The following PTPRD variants were observed in gnomAD, a reference collection of about 807,000 sequenced individuals.
PTPRD encodes the protein receptor-type tyrosine-protein phosphatase delta.
PTPRD carries 34 observed loss-of-function variants against 214.5 expected under a neutral mutation model. The ratio of observed to expected loss-of-function variants is 0.16; its 90% confidence interval spans 0.12 to 0.21. The LOEUF is 0.21. Ranked by LOEUF, PTPRD falls within the 10% of genes least tolerant of loss-of-function variation. The pLI is 1.00. For missense variants in PTPRD, 2,545 were observed against 2,398.7 expected (o/e 1.06, Z -1.27); for synonymous variants, 1,128 against 845.7 (o/e 1.33, Z -5.79).
chr9:10,185,025 A>T (rs1429901508), intron 3 of PTPRD, among the ~76,000 whole-genome samples: 1 of 152,194 alleles, frequency 6.6e-6, no homozygotes, highest in African/African-American at 2.4e-5. Context: ...CTATTTCCCA[A>T]GTCAAGGAGA....
chr9:10,312,069 G>C (rs771302177), intron 3 of PTPRD, among the ~76,000 whole-genome samples: 7 of 151,720 alleles, frequency 4.6e-5, no homozygotes, highest in Non-Finnish European at 8.8e-5. Flanking sequence ...TGAGAGTTGT[G>C]GCTACTTAAA....
At chr9:10,573,839 G>A (rs1052046933) in intron 2 of PTPRD, among the ~76,000 whole-genome samples, 2 of 152,168 alleles carry the variant, frequency 1.3e-5, no homozygotes, top group Admixed American at 6.6e-5. Context: ...TAAAGACATG[G>A]AAGGTAAGAA....
intron 5 of PTPRD, among the ~76,000 whole-genome samples, chr9:9,775,362 G>C (rs1358525146): frequency 1.3e-5 from 2 of 152,110 alleles, no homozygotes; most frequent in Admixed American, 1.3e-4. Context: ...GAGGAGATCA[G>C]GGTCCTAAAT....
chr9:10,597,969 A>C (rs1485503198), intron 2 of PTPRD, among the ~76,000 whole-genome samples: 3 of 151,780 alleles, frequency 2.0e-5, no homozygotes, highest in Non-Finnish European at 4.4e-5. Context: ...CATGACGGCT[A>C]ATGCATTCTT....
intron 9 of PTPRD, among the ~76,000 whole-genome samples, chr9:9,337,200 C>T (rs1403114490): frequency 1.3e-5 from 2 of 152,018 alleles, no homozygotes; most frequent in African/African-American, 4.8e-5. Context: ...TAAGTGATGC[C>T]ACCATTAACT....
At position 9,887,991 on chromosome 9, in the gene PTPRD, T is replaced by C. The variant is rs557375116; in HGVS notation, c.-368+50516A>G. On this transcript the variant is annotated intron_variant, in intron 5 of 45. Coordinates refer to ENST00000381196, the MANE Select transcript of PTPRD (RefSeq NM_002839.4). ...AAATGGTAAATGCCGAAACAGAAAA[T>C]GACACCTGACGAAGGGCAAGACAAT... Among the ~76,000 whole-genome samples, 4 of 151,918 alleles carry C rather than the reference T, an allele frequency of 2.6e-5. No individual in the cohort carries two copies. In the South Asian group the frequency reaches 8.3e-4, roughly 32 times the overall value.
chr9:9,908,283 G>T (rs187224227), intron 5 of PTPRD, among the ~76,000 whole-genome samples: 2 of 151,894 alleles, frequency 1.3e-5, no homozygotes, highest in Non-Finnish European at 2.9e-5. Context: ...TCATCTGAGA[G>T]TTCTTCCACA....
chr9:8,765,997 T>C (rs2154480085), intron 11 of PTPRD, among the ~76,000 whole-genome samples: 1 of 152,084 alleles, frequency 6.6e-6, no homozygotes, highest in East Asian at 1.9e-4. Context: ...CTAAACCTGA[T>C]GTAGGAAAAA....
chr9:9,377,194 G>A (rs953913885), intron 9 of PTPRD, among the ~76,000 whole-genome samples: 1 of 151,902 alleles, frequency 6.6e-6, no homozygotes, highest in African/African-American at 2.4e-5. Context: ...GCAAATACAT[G>A]TCCATACATA....
intron 3 of PTPRD, among the ~76,000 whole-genome samples, chr9:10,279,446 A>ATTTCTTGGT (rs1025189778): frequency 6.6e-6 from 1 of 152,060 alleles, no homozygotes; most frequent in African/African-American, 2.4e-5. Context: ...TCCCTGAATG[A>ATTTCTTGGT]TTTCTTGGTC....
chr9:9,357,697 C>A (rs2054340389), intron 9 of PTPRD, among the ~76,000 whole-genome samples: 1 of 144,996 alleles, frequency 6.9e-6, no homozygotes, highest in Non-Finnish European at 1.5e-5. Context: ...GGATGTGCTG[C>A]TCAATAGTTT....
chr9:8,644,671 C>G (rs1475200756), intron 12 of PTPRD, among the ~76,000 whole-genome samples: 2 of 152,214 alleles, frequency 1.3e-5, no homozygotes, highest in African/African-American at 4.8e-5. Context: ...GCCAGGGAAG[C>G]TGCTGTGGTG....
chr9:9,178,405 G>A (rs543573470), intron 10 of PTPRD, among the ~76,000 whole-genome samples: 1 of 150,672 alleles, frequency 6.6e-6, no homozygotes. Flanking sequence ...CTATCAAAGG[G>A]TGATGTGGTT....
At chr9:10,161,636 G>A (rs2099127757) in intron 3 of PTPRD, among the ~76,000 whole-genome samples, 1 of 151,726 alleles carries the variant, frequency 6.6e-6, no homozygotes, top group Non-Finnish European at 1.5e-5. Flanking sequence ...AATGGTTTGG[G>A]CAAAGAATTT....
chr9:10,174,879 G>T (rs929082405), intron 3 of PTPRD, among the ~76,000 whole-genome samples: 2 of 152,062 alleles, frequency 1.3e-5, no homozygotes, highest in African/African-American at 2.4e-5. Context: ...ATTGGACATT[G>T]TTACAGCTTT....
chr9:9,864,244 T>C (rs893069278), intron 5 of PTPRD, among the ~76,000 whole-genome samples: 1 of 151,926 alleles, frequency 6.6e-6, no homozygotes, highest in Non-Finnish European at 1.5e-5. Flanking sequence ...AGGCGGAGGT[T>C]GCAGTGAGCC....
chr9:9,291,850 A>ATG (rs1172874752), intron 9 of PTPRD, among the ~76,000 whole-genome samples: 3 of 150,090 alleles, frequency 2.0e-5, no homozygotes, highest in Admixed American at 6.7e-5. Context: ...ATATGTGTAT[A>ATG]TGTGTGTGTG....
At chr9:10,331,045 G>C (rs1260437122) in intron 3 of PTPRD, among the ~76,000 whole-genome samples, 1 of 151,738 alleles carries the variant, frequency 6.6e-6, no homozygotes, top group Non-Finnish European at 1.5e-5. Flanking sequence ...CCTTCCTAAT[G>C]GTTCAGCTGA....
chr9:8,330,000 C>CG (rs1838281555), intron 44 of PTPRD, among the ~76,000 whole-genome samples: 1 of 151,446 alleles, frequency 6.6e-6, no homozygotes, highest in Non-Finnish European at 1.5e-5. Flanking sequence ...TGGGACACAC[C>CG]AAGCCAGGCA....
Sources: allele counts gnomAD v4.1 joint callset (sites outside exome capture counted in the v4.1 genomes callset), GRCh38; gene constraint gnomAD v4.1.1; transcripts MANE v1.5; gene names NCBI Gene and HGNC (gene_info 2026-07-23, HGNC 2026-07-21).